ASH1L: variants seen among roughly 807,000 people sequenced by gnomAD.
ASH1L encodes histone-lysine N-methyltransferase ASH1L.
In ASH1L, 23 loss-of-function variants were observed where a neutral mutation model predicts 269.0. That is an observed-to-expected ratio of 0.09 (90% CI 0.06 to 0.12). The LOEUF is 0.12. Among genes scored for constraint, ASH1L ranks in the 10% least tolerant of loss-of-function variants. The probability of loss-of-function intolerance (pLI) is 1.00; values close to 1 mark genes in which losing one functional copy is unlikely to be tolerated. For missense variants in ASH1L, 2,912 were observed against 3,567.8 expected, an observed-to-expected ratio of 0.82 and a Z score of 4.68; for synonymous variants, 1,187 against 1,253.5, an observed-to-expected ratio of 0.95 and a Z score of 1.12.
intron 6 of ASH1L, among the ~76,000 whole-genome samples, chr1:155,414,429 C>G (rs772412164): frequency 6.6e-6 from 1 of 152,114 alleles, no homozygotes; most frequent in Non-Finnish European, 1.5e-5. Flanking sequence ...CCTGCCTCAG[C>G]CTCCCAAGTA....
At chr1:155,467,623 G>C (rs1664786451) in intron 3 of ASH1L, among the ~76,000 whole-genome samples, 2 of 152,056 alleles carry the variant, frequency 1.3e-5, no homozygotes, top group Admixed American at 6.5e-5. Context: ...AAGGAGAGAA[G>C]GGTTAAATGC....
At chr1:155,524,013 A>G (rs1669066864) in intron 1 of ASH1L, among the ~76,000 whole-genome samples, 1 of 152,106 alleles carries the variant, frequency 6.6e-6, no homozygotes, top group Admixed American at 6.6e-5. Flanking sequence ...CAATCATTTC[A>G]CTCTGATGAT....
At chr1:155,374,899 T>G (rs1405101102) in intron 10 of ASH1L, among the ~76,000 whole-genome samples, 2 of 152,128 alleles carry the variant, frequency 1.3e-5, no homozygotes, top group Non-Finnish European at 2.9e-5. Flanking sequence ...TACTGTAGCC[T>G]CAACCTCCAG....
intron 17 of ASH1L, 43 bp from the exon 18 acceptor site, chr1:155,349,639 A>G (rs1653693410): frequency 1.3e-6 from 2 of 1,578,068 alleles, no homozygotes; most frequent in Admixed American, 3.4e-5. Context: ...TCCACCATAC[A>G]AGGGAGGCAA....
rs892364340 is a variant in ASH1L, at chr1:155,486,428, T to TA, written c.421-3980dup. ...GGGGAAGGTTAATGGGTACCAAAAA[T>TA]AAAAAAAAAAAAATAGAAAGAATGA... On this transcript the variant is annotated intron_variant, in intron 2 of 27. Transcript: ENST00000392403. 8.9e-3 allele frequency among the ~76,000 whole-genome samples: 1,188 copies of TA among 133,004 alleles called. 13 individuals are homozygous for TA. Among genetic ancestry groups the TA allele is most frequent in the African/African-American group, 0.028 (1,008 of 36,262 alleles). 87.3% of individuals were successfully genotyped at this position (133,004 alleles called of 152,430 possible).
chr1:155,438,108 A>G (rs1329894021), intron 5 of ASH1L, among the ~76,000 whole-genome samples: 1 of 152,188 alleles, frequency 6.6e-6, no homozygotes, highest in East Asian at 1.9e-4. Context: ...TCGGCCTCCC[A>G]AAGTGCTGGG....
intron 1 of ASH1L, among the ~76,000 whole-genome samples, chr1:155,543,354 T>C (rs894476091): frequency 1.3e-5 from 2 of 151,126 alleles, no homozygotes; most frequent in African/African-American, 4.9e-5. Context: ...CTACTAAAAA[T>C]ACAAAAATCA....
chr1:155,415,666 T>C (rs1660152826), intron 6 of ASH1L, 78 bp downstream of exon 6: 5 of 1,461,844 alleles, frequency 3.4e-6, no homozygotes, highest in Non-Finnish European at 3.8e-6. Flanking sequence ...AAAGAATCTA[T>C]ATTGTTTTTT....
chr1:155,510,295 T>G (rs1444586820), intron 2 of ASH1L, among the ~76,000 whole-genome samples: 1 of 148,874 alleles, frequency 6.7e-6, no homozygotes, highest in African/African-American at 2.5e-5. Flanking sequence ...ACACCTGTAA[T>G]CCCAGCTACT....
At chr1:155,396,133 T>G (rs1183829712) in intron 6 of ASH1L, 1 of 152,098 alleles carries the variant, frequency 6.6e-6, no homozygotes, top group Non-Finnish European at 1.5e-5. Context: ...TGGGCTTGTG[T>G]CTTCTACTCA....
chr1:155,360,691 G>A (rs547956475), intron 12 of ASH1L, among the ~76,000 whole-genome samples: 92 of 151,588 alleles, frequency 6.1e-4, no homozygotes, highest in African/African-American at 1.3e-3. Flanking sequence ...TGATCTGCCC[G>A]CCTCGGCCTC....
chr1:155,376,214 A>G (rs1278590740), intron 10 of ASH1L, among the ~76,000 whole-genome samples: 1 of 152,206 alleles, frequency 6.6e-6, no homozygotes, highest in Non-Finnish European at 1.5e-5. Context: ...GTGAACCTGT[A>G]TGTACATAAA....
chr1:155,464,614 C>G (rs144893926), intron 3 of ASH1L, among the ~76,000 whole-genome samples: 1 of 151,810 alleles, frequency 6.6e-6, no homozygotes, highest in African/African-American at 2.4e-5. Context: ...TAAAGGCCCT[C>G]ATGTAAACAA....
intron 2 of ASH1L, among the ~76,000 whole-genome samples, chr1:155,511,242 A>C (rs1406401577): frequency 6.6e-6 from 1 of 152,230 alleles, no homozygotes; most frequent in Non-Finnish European, 1.5e-5. Context: ...ACCAAAGTTT[A>C]TGCAAAGAAA....
intron 2 of ASH1L, among the ~76,000 whole-genome samples, chr1:155,499,548 T>C (rs1393972826): frequency 6.6e-6 from 1 of 152,228 alleles, no homozygotes; most frequent in African/African-American, 2.4e-5. Flanking sequence ...TGAATTTTCA[T>C]AAAAGTTCCA....
chr1:155,466,969 AG>A (rs983410361), intron 3 of ASH1L, among the ~76,000 whole-genome samples: 3 of 152,172 alleles, frequency 2.0e-5, no homozygotes, highest in Non-Finnish European at 4.4e-5. Context: ...CAAAAAAAAA[AG>A]GTTTAAGCCT....
intron 2 of ASH1L, among the ~76,000 whole-genome samples, chr1:155,493,335 T>C (rs1312722263): frequency 6.6e-6 from 1 of 152,254 alleles, no homozygotes; most frequent in Non-Finnish European, 1.5e-5. Context: ...ACATTAACTT[T>C]AGCTCTACAA....
chr1:155,541,128 A>C (rs1670401618), intron 1 of ASH1L, among the ~76,000 whole-genome samples: 1 of 152,144 alleles, frequency 6.6e-6, no homozygotes, highest in Non-Finnish European at 1.5e-5. Context: ...CTTCCACTAG[A>C]CCATGCATTA....
upstream of ASH1L, chr1:155,562,934 C>T (rs1454416446): frequency 4.4e-6 from 2 of 456,248 alleles, no homozygotes; most frequent in Non-Finnish European, 8.8e-6. Flanking sequence ...GCGCGTGCGC[C>T]TCCCACAATC....
Sources: allele counts gnomAD v4.1 joint callset (sites outside exome capture counted in the v4.1 genomes callset), GRCh38; gene constraint gnomAD v4.1.1; transcripts MANE v1.5; gene names NCBI Gene and HGNC (gene_info 2026-07-23, HGNC 2026-07-21).